NCAN: variants seen among roughly 807,000 people sequenced by gnomAD.
The protein encoded by NCAN is neurocan core protein.
Under a neutral mutation model 121.8 loss-of-function variants are expected in NCAN, and 47 were observed. The observed-to-expected ratio is 0.39, with a 90% CI of 0.31 to 0.49. The LOEUF (loss-of-function observed/expected upper bound fraction) is 0.49, where lower values mean the gene tolerates loss of function less well. Ranked by LOEUF, NCAN falls within the 20% of genes least tolerant of loss-of-function variation. The pLI, the probability that NCAN is intolerant of heterozygous loss-of-function variation, is 0.92. For missense variants in NCAN, 1,517 were observed against 1,773.4 expected (o/e 0.86, Z 2.60); for synonymous variants, 633 against 702.0 (o/e 0.90, Z 1.55).
chr19:19,240,714 T>G (rs572154160), intron 12 of NCAN, 29 bp downstream of exon 12: 1 of 1,608,396 alleles, frequency 6.2e-7, no homozygotes, highest in East Asian at 2.2e-5. Flanking sequence ...GGGCCTAGGC[T>G]GCTGAGCCAC....
chr19:19,231,094 G>A (rs931700125), intron 8 of NCAN, among the ~76,000 whole-genome samples: 2 of 151,938 alleles, frequency 1.3e-5, no homozygotes, highest in Admixed American at 1.3e-4. Flanking sequence ...GCCCCACCCC[G>A]TATCGATAAA....
chr19:19,217,065 G>T, intron 2 of NCAN, 39 bp downstream of exon 2: 1 of 1,296,230 alleles, frequency 7.7e-7, no homozygotes, highest in Non-Finnish European at 9.9e-7. Flanking sequence ...TGGGGTCTAG[G>T]GGATGGACAA....
In NCAN at chr19:19,238,496, T is replaced by TC. The variant is rs753927110; in HGVS notation, c.3409+89dup. The TC allele has an allele frequency of 9.2e-6, 14 of 1,523,852 alleles. No homozygotes were observed. In the African/African-American group the frequency reaches 1.9e-4, roughly 21 times the overall value. The allele number at this position is 1,523,852 out of a possible 1,614,324, so 94.4% of individuals were successfully genotyped here. ...CCCTTTTGCCAGGGCATCGCATCCC[T>TC]CCCCTGGTTTTCAAGACGTCATCTT... On this transcript the variant is annotated intron_variant, in intron 11 of 14. Transcript: ENST00000252575.
chr19:19,226,170 T>A (rs2060835936), intron 6 of NCAN, among the ~76,000 whole-genome samples: 1 of 152,108 alleles, frequency 6.6e-6, no homozygotes, highest in South Asian at 2.1e-4. Context: ...CCTCAAGTGA[T>A]CCACCCACCT....
In NCAN at chr19:19,226,776, C is replaced by G; in HGVS notation, c.1363C>G (p.Pro455Ala). ...GTGGCTAAGCACGGTGGCCCCCAGC[C>G]CTAGCGACATGGGGGCAGGCACTGC... ...EVWLSTVAPS[P>A]SDMGAGTAAS... is the part of the protein sequence containing the mutation. Residue 455 changes from proline (P) to alanine (A), a missense_variant, in exon 7 of 15, where the codon CCT becomes GCT. Coordinates refer to ENST00000252575, the MANE Select transcript of NCAN (RefSeq NM_004386.3). 6.2e-7 allele frequency: 1 copy of G among 1,613,432 alleles called. No homozygotes were observed. The highest frequency in any genetic ancestry group is 1.7e-5 in the Admixed American group (1 of 60,022).
In NCAN at chr19:19,227,773, A is replaced by G; in HGVS notation, c.2153A>G (p.Lys718Arg). The G allele has an allele frequency of 6.2e-7, 1 of 1,613,640 alleles. No individual in the cohort carries two copies. Among genetic ancestry groups the G allele is most frequent in the Non-Finnish European group, 8.5e-7 (1 of 1,179,994 alleles). The change falls in exon 8 of 15, where the codon AAA becomes AGA. Residue 718 changes from lysine to arginine, a missense_variant. By Grantham distance (26) the Lys-to-Arg change is conservative (BLOSUM62 2). Transcript: ENST00000252575. The surrounding 1 kb of genome is among the most constrained non-coding windows in gnomAD (Gnocchi z 4.2). ...TGETSPAQVN[K>R]AEHSSSSPWP... is the part of the protein sequence containing the mutation. ...GAGACCAGCCCTGCTCAGGTCAACA[A>G]AGCTGAGCACTCCAGCTCCAGCCCA... is the stretch of plus-strand genomic sequence containing the variant.
At position 19,238,338 on chromosome 19, in the gene NCAN, C is replaced by G. The variant is rs747778207; in HGVS notation, c.3336C>G (p.Ala1112=). Residue 1112 remains alanine, a synonymous_variant, in exon 11 of 15, where the codon GCC becomes GCG. Transcript: ENST00000252575. The part of the protein sequence containing the change: ...YFAHRRAWED[A]EKDCRRRSGH... Reference sequence around the variant, plus strand: ...CCCACCGGAGGGCATGGGAAGATGCCGAGAAGGACTGCCGCCGCCGCTCCG... The same window carrying G: ...CCCACCGGAGGGCATGGGAAGATGCGGAGAAGGACTGCCGCCGCCGCTCCG... The G allele has an allele frequency of 2.0e-5, 32 of 1,614,056 alleles. No individual in the cohort carries two copies. In the East Asian group the frequency reaches 6.0e-4, roughly 30 times the overall value.
intron 1 of NCAN, among the ~76,000 whole-genome samples, chr19:19,214,579 A>C (rs1252735283): frequency 6.6e-6 from 1 of 152,160 alleles, no homozygotes; most frequent in Non-Finnish European, 1.5e-5. Flanking sequence ...TGCAAGTCTT[A>C]GGTCATTTCA....
chr19:19,233,726 G>T, intron 8 of NCAN, 63 bp from the exon 9 acceptor site: 1 of 1,081,340 alleles, frequency 9.2e-7, no homozygotes, highest in South Asian at 1.3e-5. Flanking sequence ...CTGGGGTCTT[G>T]ATTCCAGGAA....
chr19:19,217,761 C>T, intron 2 of NCAN, among the ~76,000 whole-genome samples: 1 of 151,868 alleles, frequency 6.6e-6, no homozygotes, highest in East Asian at 1.9e-4. Flanking sequence ...CTGAGGCAGG[C>T]AGATCACTTG....
Position 19,226,816 on chromosome 19 carries a change from C to T in NCAN, c.1403C>T (p.Thr468Met), listed in dbSNP as rs757000546. ...MGAGTAASSH[T>M]EVAPTDPMPR... ...GCAGGCACTGCAGCAAGTTCACACA[C>T]GGAGGTGGCCCCAACTGACCCTATG... Residue 468 changes from threonine (T) to methionine (M), a missense_variant, in exon 7 of 15, where the codon ACG (threonine) becomes ATG (methionine). Transcript: ENST00000252575. 4.9e-5 allele frequency: 79 copies of T among 1,613,184 alleles called. No homozygotes were observed. In the Middle Eastern group the frequency reaches 4.9e-4, roughly 10 times the overall value.
At chr19:19,224,818 G>C (rs761455327) in intron 5 of NCAN, among the ~76,000 whole-genome samples, 159 bp from the exon 6 acceptor site, 2 of 152,228 alleles carry the variant, frequency 1.3e-5, no homozygotes, top group African/African-American at 4.8e-5. Flanking sequence ...GTAAGGACAA[G>C]GATGATCCCG....
chr19:19,246,530 G>A (rs2060925045), intron 13 of NCAN, among the ~76,000 whole-genome samples: 1 of 152,024 alleles, frequency 6.6e-6, no homozygotes, highest in Non-Finnish European at 1.5e-5. Context: ...AGAATAACCA[G>A]TTGTTTTTTG....
At chr19:19,249,659 G>A (rs533021936) in intron 14 of NCAN, 107 bp from the exon 15 acceptor site, 148 of 1,484,344 alleles carry the variant, frequency 1.0e-4, no homozygotes, top group Non-Finnish European at 1.2e-4. Context: ...GAGCCCTCGC[G>A]TCTGGCCTCT....
At chr19:19,246,055 T>G (rs2060923328) in intron 13 of NCAN, among the ~76,000 whole-genome samples, 1 of 152,178 alleles carries the variant, frequency 6.6e-6, no homozygotes, top group Admixed American at 6.5e-5. Context: ...TTTATGTTTT[T>G]GGAGACAGTT....
chr19:19,228,744 C>G (rs1229207792), intron 8 of NCAN, 105 bp downstream of exon 8: 2 of 1,312,486 alleles, frequency 1.5e-6, no homozygotes, highest in South Asian at 1.5e-5. Flanking sequence ...CCCTGGGGAT[C>G]TGGAAGCTTT....
chr19:19,239,878 A>C (rs1599821142), intron 11 of NCAN, among the ~76,000 whole-genome samples: 5 of 81,796 alleles, frequency 6.1e-5, no homozygotes, highest in East Asian at 3.9e-4. Context: ...CCTTCCATTC[A>C]TCTTTCTCCT....
At position 19,227,497 on chromosome 19, in the gene NCAN, C is replaced by T; in HGVS notation, c.1877C>T (p.Thr626Ile). 6.2e-7 allele frequency: 1 copy of T among 1,613,678 alleles called. No individual in the cohort carries two copies. The highest frequency in any genetic ancestry group is 8.5e-7 in the Non-Finnish European group (1 of 1,179,922). ...CCCTGGGAGGCATTCCCTGTGGCCA[C>T]CTCCCCAGATCTCCCTATGATGGCC... ...PAPWEAFPVA[T>I]SPDLPMMAML... The change falls in exon 8 of 15, where the codon ACC becomes ATC. Residue 626 changes from threonine (T) to isoleucine (I), a missense_variant. By Grantham distance (89) the Thr-to-Ile change is moderately conservative. Transcript: ENST00000252575. This position sits in a 1 kb window ranked among gnomAD's most constrained non-coding sequence, Gnocchi z 4.2.
rs926242465 is a variant in NCAN, at chr19:19,212,409, C to G, written c.-8+345C>G. 5.3e-5 allele frequency among the ~76,000 whole-genome samples: 8 copies of G among 151,912 alleles called. No homozygotes were observed. Among genetic ancestry groups the G allele is most frequent in the Non-Finnish European group, 1.0e-4 (7 of 67,956 alleles). On this transcript the variant is annotated intron_variant, in intron 1 of 14. Coordinates refer to ENST00000252575, the MANE Select transcript of NCAN (RefSeq NM_004386.3). This position sits in a 1 kb window ranked among gnomAD's most constrained non-coding sequence, Gnocchi z 4.5. ...CGAGTTTGGAGGGAAGAAGAGGACA[C>G]CCAGATGCCGAATGGGGGACTCTGG...
Sources: allele counts gnomAD v4.1 joint callset (sites outside exome capture counted in the v4.1 genomes callset), GRCh38; gene constraint gnomAD v4.1.1; non-coding constraint Gnocchi (gnomAD v3.1); transcripts MANE v1.5; gene names NCBI Gene and HGNC (gene_info 2026-07-23, HGNC 2026-07-21).